The following PRKCQ variants were observed in gnomAD, a reference collection of about 807,000 sequenced individuals.
PRKCQ encodes protein kinase C theta.
In PRKCQ, 41 loss-of-function variants were observed where a neutral mutation model predicts 91.2. That is an observed-to-expected ratio of 0.45 (90% CI 0.35 to 0.58). The LOEUF (loss-of-function observed/expected upper bound fraction) is 0.58, where lower values mean the gene tolerates loss of function less well. Among genes scored for constraint, PRKCQ ranks in the 20% least tolerant of loss-of-function variants. The pLI, the probability that PRKCQ is intolerant of heterozygous loss-of-function variation, is 0.00. For synonymous variants in PRKCQ, 307 were observed against 316.9 expected (o/e 0.97, Z 0.33); for missense variants, 673 against 896.5 (o/e 0.75, Z 3.18).
At chr10:6,452,323 T>C (rs1337787490) in intron 15 of PRKCQ, among the ~76,000 whole-genome samples, 1 of 152,172 alleles carries the variant, frequency 6.6e-6, no homozygotes, top group Non-Finnish European at 1.5e-5. Context: ...CCATTCACGA[T>C]TGCTTCAAAG....
At chr10:6,548,446 T>C (rs1287554204) in intron 1 of PRKCQ, among the ~76,000 whole-genome samples, 3 of 148,814 alleles carry the variant, frequency 2.0e-5, no homozygotes, top group African/African-American at 2.5e-5. Context: ...ATGTTTATTG[T>C]GGCACTATTC....
downstream of PRKCQ, among the ~76,000 whole-genome samples, chr10:6,425,632 T>G (rs545403724): frequency 6.6e-6 from 1 of 152,098 alleles, no homozygotes; most frequent in South Asian, 2.1e-4. Flanking sequence ...AAGCAAATAG[T>G]AAGCTTGTTA....
At position 6,447,912 on chromosome 10, in the gene PRKCQ, G is replaced by A. The variant is rs1834413272; in HGVS notation, c.1648-5831C>T. Among the ~76,000 whole-genome samples, 9 of 152,194 alleles carry A rather than the reference G, an allele frequency of 5.9e-5. No homozygotes were observed. The South Asian group carries it at 1.9e-3, about 31-fold the overall frequency. On this transcript the variant is annotated intron_variant, in intron 15 of 17. Transcript: ENST00000263125. The stretch of plus-strand genomic sequence containing the variant: ...GGCTAACATTTCTCTAAGGCACTGA[G>A]GAGGGAGAACACAGCTCCAGTTTTG...
intron 7 of PRKCQ, among the ~76,000 whole-genome samples, chr10:6,496,761 G>A (rs935167063): frequency 2.0e-5 from 3 of 151,680 alleles, no homozygotes; most frequent in South Asian, 2.1e-4. Context: ...TGCAACCTCC[G>A]CCTCCCGAAT....
intron 8 of PRKCQ, among the ~76,000 whole-genome samples, chr10:6,488,068 A>G (rs1364493837): frequency 6.6e-6 from 1 of 151,854 alleles, no homozygotes; most frequent in Non-Finnish European, 1.5e-5. Flanking sequence ...AAAGATTTCC[A>G]AACTCCAGCT....
At chr10:6,456,432 G>T (rs1352573060) in intron 15 of PRKCQ, among the ~76,000 whole-genome samples, 1 of 152,134 alleles carries the variant, frequency 6.6e-6, no homozygotes, top group Admixed American at 6.5e-5. Context: ...ATGTTTTAAG[G>T]CTGGGGGAAA....
chr10:6,545,187 T>C (rs1229484000), intron 1 of PRKCQ, among the ~76,000 whole-genome samples: 1 of 152,252 alleles, frequency 6.6e-6, no homozygotes, highest in Non-Finnish European at 1.5e-5. Context: ...AAGGCATTTT[T>C]CTTGCACCTG....
intron 12 of PRKCQ, among the ~76,000 whole-genome samples, chr10:6,469,542 G>C (rs1835852723): frequency 1.3e-5 from 2 of 152,182 alleles, no homozygotes; most frequent in South Asian, 4.1e-4. Context: ...TTGGGTCTAA[G>C]GTTTAGGACA....
At chr10:6,445,888 C>T (rs991052214) in intron 15 of PRKCQ, among the ~76,000 whole-genome samples, 1 of 152,236 alleles carries the variant, frequency 6.6e-6, no homozygotes, top group African/African-American at 2.4e-5. Flanking sequence ...TCAAAGCAAC[C>T]AGAAACGTCT....
chr10:6,475,213 T>C (rs1430735125), intron 12 of PRKCQ, among the ~76,000 whole-genome samples: 1 of 152,192 alleles, frequency 6.6e-6, no homozygotes, highest in Non-Finnish European at 1.5e-5. Flanking sequence ...TGTACATCTA[T>C]GTCCCCAGAC....
intron 16 of PRKCQ, among the ~76,000 whole-genome samples, chr10:6,432,571 A>G (rs17155850): frequency 0.047 from 7,179 of 152,236 alleles, 258 homozygotes; most frequent in Middle Eastern, 0.13. Flanking sequence ...AAGCCACTGC[A>G]CGGTGGAAAT....
chr10:6,467,389 C>CACAGAG (rs1835734752), intron 12 of PRKCQ, among the ~76,000 whole-genome samples: 1 of 27,772 alleles, frequency 3.6e-5, no homozygotes, highest in African/African-American at 1.7e-4. Flanking sequence ...GAGAGACAGA[C>CACAGAG]AGAGAGAGAG....
intron 15 of PRKCQ, among the ~76,000 whole-genome samples, chr10:6,448,534 G>A (rs1389470880): frequency 6.6e-6 from 1 of 151,952 alleles, no homozygotes; most frequent in Non-Finnish European, 1.5e-5. Context: ...TCAGCCTCCT[G>A]AGCAGCTGGG....
rs1311351160 is a variant in PRKCQ at position 6,451,211 on chromosome 10, T to C, written c.1647+5463A>G. Among the ~76,000 whole-genome samples the C allele has an allele frequency of 1.4e-5, 2 of 147,840 alleles. 1 individual carries two copies. Among genetic ancestry groups the C allele is most frequent in the Non-Finnish European group, 3.0e-5 (2 of 67,230 alleles). On this transcript the variant is annotated intron_variant, in intron 15 of 17. Transcript: ENST00000263125. ...TAATAAAGAAAAAAAGAGAGAAGAATCATATAAACACAATAAAAAATGATA... is the reference window on the plus strand; with the variant it reads ...TAATAAAGAAAAAAAGAGAGAAGAACCATATAAACACAATAAAAAATGATA...
chr10:6,477,812 G>A (rs1314879010), intron 12 of PRKCQ, among the ~76,000 whole-genome samples: 1 of 152,214 alleles, frequency 6.6e-6, no homozygotes, highest in African/African-American at 2.4e-5. Flanking sequence ...AGGTTGCAGT[G>A]AGCTGAGATC....
the PRKCQ span, among the ~76,000 whole-genome samples, chr10:6,411,497 A>T: frequency 6.6e-6 from 1 of 152,226 alleles, no homozygotes. Flanking sequence ...AAAAGGGATC[A>T]TAATAACACA....
chr10:6,410,904 G>A, the PRKCQ span, among the ~76,000 whole-genome samples: 1 of 148,108 alleles, frequency 6.8e-6, no homozygotes, highest in Non-Finnish European at 1.5e-5. Context: ...TTGAACCCGG[G>A]AGGTGAAGGT....
intron 14 of PRKCQ, among the ~76,000 whole-genome samples, chr10:6,461,493 CA>C (rs1301631866): frequency 2.0e-5 from 3 of 151,610 alleles, no homozygotes; most frequent in Non-Finnish European, 2.9e-5. Flanking sequence ...GTAGATAGAC[CA>C]AAAAAAATTA....
At chr10:6,526,641 G>A (rs554528963) in intron 1 of PRKCQ, among the ~76,000 whole-genome samples, 4 of 152,274 alleles carry the variant, frequency 2.6e-5, no homozygotes, top group Admixed American at 6.5e-5. Context: ...TGCCAAGCAC[G>A]TTCTGGGAAG....
Sources: allele counts gnomAD v4.1 joint callset (sites outside exome capture counted in the v4.1 genomes callset), GRCh38; gene constraint gnomAD v4.1.1; transcripts MANE v1.5; gene names NCBI Gene and HGNC (gene_info 2026-07-23, HGNC 2026-07-21).